The following LRP1B variants were observed in gnomAD, a reference collection of about 807,000 sequenced individuals.
The protein encoded by LRP1B is LDL receptor related protein 1B.
A neutral mutation model predicts 556.6 loss-of-function variants in LRP1B; 217 were observed. The observed-to-expected ratio is 0.39, with a 90% CI of 0.35 to 0.44. LRP1B has a LOEUF of 0.44. Ranked by LOEUF, LRP1B falls within the 20% of genes least tolerant of loss-of-function variation. The pLI is 1.00. For missense variants in LRP1B, 5,053 were observed against 5,620.8 expected, an observed-to-expected ratio of 0.90 and a Z score of 3.23; for synonymous variants, 2,047 against 1,865.8, an observed-to-expected ratio of 1.10 and a Z score of -2.50.
intron 77 of LRP1B, among the ~76,000 whole-genome samples, chr2:140,339,899 C>A (rs1242745034): frequency 6.6e-6 from 1 of 151,380 alleles, no homozygotes; most frequent in Non-Finnish European, 1.5e-5. Context: ...TTATACTGAA[C>A]AATAGATTAT....
intron 63 of LRP1B, among the ~76,000 whole-genome samples, chr2:140,448,892 TA>T (rs1221518771): frequency 5.3e-5 from 8 of 152,170 alleles, no homozygotes; most frequent in East Asian, 3.9e-4. Flanking sequence ...ACTTGTCAAT[TA>T]AAAAAATTTA....
intron 32 of LRP1B, among the ~76,000 whole-genome samples, chr2:140,794,256 G>A (rs1158509092): frequency 6.6e-6 from 1 of 151,874 alleles, no homozygotes; most frequent in Non-Finnish European, 1.5e-5. Context: ...TCCAAGAAAA[G>A]GAAAATAATT....
chr2:141,538,666 TCG>T (rs1559128003), intron 2 of LRP1B, among the ~76,000 whole-genome samples: 1 of 127,744 alleles, frequency 7.8e-6, no homozygotes, highest in Non-Finnish European at 1.9e-5. Flanking sequence ...AGACACAGTC[TCG>T]CTCTGTCACC....
chr2:140,778,520 T>A (rs1236238835), intron 32 of LRP1B, among the ~76,000 whole-genome samples: 1 of 152,124 alleles, frequency 6.6e-6, no homozygotes, highest in African/African-American at 2.4e-5. Flanking sequence ...ATGAAACATG[T>A]CTACACTGGG....
chr2:140,754,769 GAA>G (rs35390789), intron 35 of LRP1B, among the ~76,000 whole-genome samples: 23 of 142,544 alleles, frequency 1.6e-4, no homozygotes, highest in African/African-American at 3.6e-4. Flanking sequence ...TTAAGAACTA[GAA>G]AAAAAAAAAC....
chr2:141,912,472 C>T (rs1024944378), intron 1 of LRP1B, among the ~76,000 whole-genome samples: 48 of 152,008 alleles, frequency 3.2e-4, no homozygotes, highest in Non-Finnish European at 4.7e-4. Flanking sequence ...GAAAAAGGCT[C>T]GGGGCAAATC....
intron 1 of LRP1B, among the ~76,000 whole-genome samples, chr2:141,824,608 C>T (rs1558900748): frequency 1.3e-5 from 2 of 152,226 alleles, no homozygotes; most frequent in Non-Finnish European, 2.9e-5. Context: ...CCGCCTTGGC[C>T]TTCCAAAGTG....
At chr2:141,144,062 A>G (rs544534767) in intron 7 of LRP1B, among the ~76,000 whole-genome samples, 112 of 152,274 alleles carry the variant, frequency 7.4e-4, no homozygotes, top group Non-Finnish European at 1.1e-3. Flanking sequence ...CTCTGCTATC[A>G]CACAGGTCTT....
chr2:141,080,337 T>C (rs1209296809), intron 7 of LRP1B, among the ~76,000 whole-genome samples: 1 of 152,302 alleles, frequency 6.6e-6, no homozygotes, highest in Non-Finnish European at 1.5e-5. Flanking sequence ...TAGCAAAATC[T>C]TACTGATTTT....
chr2:141,595,224 T>A (rs547053504), intron 2 of LRP1B, among the ~76,000 whole-genome samples: 1 of 152,148 alleles, frequency 6.6e-6, no homozygotes, highest in African/African-American at 2.4e-5. Flanking sequence ...TTTGTGAAGG[T>A]TTTCTTACAG....
chr2:140,966,374 C>A (rs369672953), intron 18 of LRP1B, among the ~76,000 whole-genome samples: 1 of 152,138 alleles, frequency 6.6e-6, no homozygotes, highest in Admixed American at 6.5e-5. Context: ...CTGTTCATAT[C>A]CTTCACCCAC....
chr2:141,127,215 T>G (rs1701237743), intron 7 of LRP1B, among the ~76,000 whole-genome samples: 1 of 151,998 alleles, frequency 6.6e-6, no homozygotes, highest in Non-Finnish European at 1.5e-5. Flanking sequence ...GTTAGAATGG[T>G]GATAATTAAA....
intron 3 of LRP1B, among the ~76,000 whole-genome samples, chr2:141,452,511 G>A (rs1200289866): frequency 6.6e-6 from 1 of 152,092 alleles, no homozygotes; most frequent in Non-Finnish European, 1.5e-5. Context: ...ACTGTTTTCT[G>A]TAAACTCTAC....
chr2:141,943,445 C>T (rs1700872285), intron 1 of LRP1B, among the ~76,000 whole-genome samples: 1 of 152,124 alleles, frequency 6.6e-6, no homozygotes, highest in African/African-American at 2.4e-5. Flanking sequence ...AGGGTTCTGA[C>T]CTGTTTTAAG....
intron 7 of LRP1B, among the ~76,000 whole-genome samples, chr2:141,102,375 C>T (rs549472269): frequency 1.1e-4 from 17 of 152,128 alleles, no homozygotes; most frequent in East Asian, 5.8e-4. Context: ...AAAGTTTTTT[C>T]GAGGTTAACC....
intron 17 of LRP1B, among the ~76,000 whole-genome samples, chr2:140,983,074 G>A (rs1290102382): frequency 1.3e-5 from 2 of 151,378 alleles, no homozygotes; most frequent in African/African-American, 4.9e-5. Flanking sequence ...GTATAATCAG[G>A]GCAACTTTTA....
intron 3 of LRP1B, among the ~76,000 whole-genome samples, chr2:141,314,016 T>C (rs1686906813): frequency 6.6e-6 from 1 of 152,342 alleles, no homozygotes; most frequent in African/African-American, 2.4e-5. Flanking sequence ...AATTTTTACT[T>C]CTTTTTTGGG....
intron 71 of LRP1B, among the ~76,000 whole-genome samples, chr2:140,369,604 A>G (rs1682904267): frequency 6.6e-6 from 1 of 151,784 alleles, no homozygotes; most frequent in Non-Finnish European, 1.5e-5. Context: ...TTCAAAAGGA[A>G]ACTGAAGGCC....
chr2:140,498,439 G>T (rs1689040903), intron 55 of LRP1B, among the ~76,000 whole-genome samples: 1 of 151,612 alleles, frequency 6.6e-6, no homozygotes, highest in Non-Finnish European at 1.5e-5. Context: ...ATCAAAATAA[G>T]ATTTTTGCTT....
Sources: allele counts gnomAD v4.1 joint callset (sites outside exome capture counted in the v4.1 genomes callset), GRCh38; gene constraint gnomAD v4.1.1; transcripts MANE v1.5; gene names NCBI Gene and HGNC (gene_info 2026-07-23, HGNC 2026-07-21).